The following KHDC1 variants were observed in gnomAD, a reference collection of about 807,000 sequenced individuals.
KHDC1 encodes KH domain containing 1, also known as KH homology domain-containing protein 1.
A neutral mutation model predicts 24.7 loss-of-function variants in KHDC1; 21 were observed. The ratio of observed to expected loss-of-function variants is 0.85; its 90% CI spans 0.60 to 1.23. The LOEUF is 1.23. KHDC1 is among the 50% of genes most tolerant of loss of function. The pLI is 0.00. For missense variants in KHDC1, 274 were observed against 298.5 expected, an observed-to-expected ratio of 0.92 and a Z score of 0.61; for synonymous variants, 98 against 111.7, an observed-to-expected ratio of 0.88 and a Z score of 0.77.
At chr6:73,306,923 C>T (rs375379446) in intron 1 of KHDC1, among the ~76,000 whole-genome samples, 5 of 152,146 alleles carry the variant, frequency 3.3e-5, no homozygotes, top group South Asian at 4.2e-4. Flanking sequence ...GCAGGAGAAT[C>T]GCTTGAACCC....
intron 2 of KHDC1, among the ~76,000 whole-genome samples, chr6:73,258,254 C>CTAAA (rs1431522973): frequency 1.3e-5 from 2 of 152,092 alleles, no homozygotes; most frequent in East Asian, 3.9e-4. Context: ...GACTCCGTCT[C>CTAAA]TAAATAAATA....
intron 2 of KHDC1, among the ~76,000 whole-genome samples, chr6:73,250,308 A>G (rs1766754885): frequency 6.6e-6 from 1 of 152,234 alleles, no homozygotes; most frequent in African/African-American, 2.4e-5. Flanking sequence ...TGATTGCTTT[A>G]GGAAATGGCA....
At chr6:73,293,320 A>T (rs1413288180) in intron 1 of KHDC1, 1 of 535,298 alleles carries the variant, frequency 1.9e-6, no homozygotes, top group African/African-American at 2.0e-5. Context: ...TAAAAGAAAG[A>T]TGAAATAATA....
chr6:73,274,231 A>G (rs1011644457), intron 2 of KHDC1: 1 of 152,256 alleles, frequency 6.6e-6, no homozygotes, highest in Non-Finnish European at 1.5e-5. Context: ...ACAAAAAAGA[A>G]TGGCATCATT....
At position 73,282,782 on chromosome 6, in the gene KHDC1, A is replaced by G. The variant is rs190125022; in HGVS notation, c.206+9216T>C. 4.7e-4 allele frequency among the ~76,000 whole-genome samples: 71 copies of G among 152,156 alleles called. 1 individual carries two copies. Among genetic ancestry groups the G allele is most frequent in the African/African-American group, 1.7e-3 (71 of 41,512 alleles). On this transcript the variant is annotated intron_variant, in intron 2 of 4. Transcript: ENST00000370384. ...TCCGTGCAAGAGGCTTTAATTCCCT[A>G]TGATTTTATCTCTGACCTAACCAAT...
chr6:73,276,665 C>CAA (rs925437379), intron 2 of KHDC1: 2 of 151,360 alleles, frequency 1.3e-5, no homozygotes, highest in African/African-American at 2.4e-5. Context: ...GACCCTATCT[C>CAA]AAAAAAAACA....
At chr6:73,309,815 G>T (rs930349283) in exon 1 of KHDC1, 6 of 1,389,666 alleles carry the variant, frequency 4.3e-6, no homozygotes, top group Non-Finnish European at 5.8e-6. Context: ...ACCAGACACC[G>T]ACGGAGAAGC....
Position 73,251,327 on chromosome 6 carries a change from A to C in KHDC1, c.207-8797T>G, listed in dbSNP as rs529416877. ...CACTGGACAGAAATCCTATTAATAC[A>C]ACTAGTATGAGAAAGTCTGCAGTGA... On this transcript the variant is annotated intron_variant, in intron 2 of 4. Coordinates refer to ENST00000370384, the Ensembl canonical transcript of KHDC1. Among the ~76,000 whole-genome samples, 10 of 152,334 alleles carry C rather than the reference A, an allele frequency of 6.6e-5. No homozygotes were observed. In the East Asian group the frequency reaches 1.9e-3, roughly 29 times the overall value.
In KHDC1 at chr6:73,255,466, G is replaced by A. The variant is rs534509537; in HGVS notation, c.207-12936C>T. On this transcript the variant is annotated intron_variant, in intron 2 of 4. Transcript: ENST00000370384. ...ACTCCTGACCTCAGGTGATCCACCC[G>A]CCTTCTTGGCCTCCCAAAGTGCTGG... Among the ~76,000 whole-genome samples, 112 of 145,658 alleles carry A rather than the reference G, an allele frequency of 7.7e-4. No individual in the cohort carries two copies. The South Asian group carries it at 0.013, about 17-fold the overall frequency.
At chr6:73,275,831 G>C (rs1306337832) in intron 2 of KHDC1, 1 of 152,334 alleles carries the variant, frequency 6.6e-6, no homozygotes, top group African/African-American at 2.4e-5. Flanking sequence ...ATATGGGACA[G>C]CTAGATTCTG....
chr6:73,274,400 A>G (rs1399076208), intron 2 of KHDC1: 1 of 152,162 alleles, frequency 6.6e-6, no homozygotes, highest in African/African-American at 2.4e-5. Flanking sequence ...TATGAACTCT[A>G]CCTAATGTTG....
chr6:73,280,156 TTTTTG>T (rs1767377063), intron 2 of KHDC1, among the ~76,000 whole-genome samples: 1 of 152,068 alleles, frequency 6.6e-6, no homozygotes, highest in Admixed American at 6.6e-5. Flanking sequence ...AATATATCCT[TTTTTG>T]TTTTATTTAT....
chr6:73,281,118 C>T (rs947405554), intron 2 of KHDC1, among the ~76,000 whole-genome samples: 4 of 151,882 alleles, frequency 2.6e-5, no homozygotes, highest in African/African-American at 4.8e-5. Flanking sequence ...CCAAGGCAGG[C>T]GGATCACCTG....
At chr6:73,273,827 TA>T (rs1582569506) in intron 2 of KHDC1, among the ~76,000 whole-genome samples, 1 of 148,552 alleles carries the variant, frequency 6.7e-6, no homozygotes, top group African/African-American at 2.5e-5. Flanking sequence ...TTAGAAAAAA[TA>T]AAAAAATAAG....
At chr6:73,246,771 A>G (rs1766674729) in intron 2 of KHDC1, among the ~76,000 whole-genome samples, 1 of 152,148 alleles carries the variant, frequency 6.6e-6, no homozygotes, top group Non-Finnish European at 1.5e-5. Context: ...TTGGTAACCA[A>G]ACAAATACTC....
chr6:73,254,457 T>A (rs1766841386), intron 2 of KHDC1, among the ~76,000 whole-genome samples: 1 of 135,692 alleles, frequency 7.4e-6, no homozygotes, highest in Admixed American at 7.8e-5. Flanking sequence ...TGAGACTCTG[T>A]CTTAAAATAA....
intron 2 of KHDC1, among the ~76,000 whole-genome samples, chr6:73,246,900 A>T (rs1195795092): frequency 6.6e-6 from 1 of 152,166 alleles, no homozygotes; most frequent in Non-Finnish European, 1.5e-5. Flanking sequence ...AAGAAACCAA[A>T]ATAAACGGCA....
chr6:73,291,818 T>C (rs1251031368), intron 2 of KHDC1: 2 of 639,094 alleles, frequency 3.1e-6, no homozygotes, highest in Admixed American at 5.7e-5. Context: ...TTGGATACAA[T>C]GTTTAATATT....
At chr6:73,254,369 G>A (rs532629966) in intron 2 of KHDC1, among the ~76,000 whole-genome samples, 1 of 152,176 alleles carries the variant, frequency 6.6e-6, no homozygotes, top group Non-Finnish European at 1.5e-5. Context: ...GCTGAGGCAG[G>A]AGAATCGCTT....
Sources: allele counts gnomAD v4.1 joint callset (sites outside exome capture counted in the v4.1 genomes callset), GRCh38; gene constraint gnomAD v4.1.1; transcripts MANE v1.5; gene names NCBI Gene and HGNC (gene_info 2026-07-23, HGNC 2026-07-21).